CDH20: variants seen among roughly 807,000 people sequenced by gnomAD.
The protein encoded by CDH20 is cadherin-20.
Under a neutral mutation model 74.2 loss-of-function variants are expected in CDH20, and 29 were observed. The observed-to-expected ratio is 0.39, with a 90% CI of 0.29 to 0.53. The LOEUF is 0.53. Ranked by LOEUF, CDH20 falls within the 20% of genes least tolerant of loss-of-function variation. The probability of loss-of-function intolerance (pLI) is 0.69; values close to 1 mark genes in which losing one functional copy is unlikely to be tolerated. For synonymous variants in CDH20, 469 were observed against 405.4 expected, an observed-to-expected ratio of 1.16 and a Z score of -1.88; for missense variants, 988 against 1,048.3, an observed-to-expected ratio of 0.94 and a Z score of 0.79.
Position 61,490,644 on chromosome 18 carries a change from A to G in CDH20, c.91A>G (p.Thr31Ala). The stretch of plus-strand genomic sequence containing the variant: ...CTGGGGGCTGATGGACCTTACGACC[A>G]CCGTTCTCTCGGACACCCCAACACC... ...YFWGLMDLTT[T>A]VLSDTPTPQG... Residue 31 changes from threonine (T) to alanine (A), a missense_variant, in exon 2 of 12, where the codon ACC becomes GCC. By Grantham distance (58) the Thr-to-Ala change is moderately conservative. Around this residue, in one of 2 missense-constraint regions of CDH20, gnomAD observed 613 missense variants for 755.2 expected, o/e 0.81. Coordinates refer to ENST00000262717, the MANE Select transcript of CDH20 (RefSeq NM_031891.4). The G allele has an allele frequency of 3.1e-6, 5 of 1,614,092 alleles. No individual in the cohort carries two copies. Among genetic ancestry groups the G allele is most frequent in the Non-Finnish European group, 4.2e-6 (5 of 1,180,036 alleles).
intron 9 of CDH20, among the ~76,000 whole-genome samples, chr18:61,541,468 C>T (rs1369217390): frequency 2.0e-5 from 3 of 152,110 alleles, no homozygotes; most frequent in African/African-American, 7.2e-5. Flanking sequence ...AAGTGAAGAA[C>T]ATTTCAACTA....
intron 7 of CDH20, among the ~76,000 whole-genome samples, chr18:61,534,033 T>C (rs557623982): frequency 8.6e-6 from 1 of 116,886 alleles, no homozygotes; most frequent in Non-Finnish European, 2.1e-5. Context: ...TGTAATATTA[T>C]TTCAAAATTA....
At chr18:61,359,624 C>G (rs1170611550) in intron 1 of CDH20, among the ~76,000 whole-genome samples, 1 of 152,028 alleles carries the variant, frequency 6.6e-6, no homozygotes, top group Admixed American at 6.5e-5. Flanking sequence ...GCTTGAGGCA[C>G]GGTTTATTTA....
At chr18:61,345,827 G>C (rs1357009104) in intron 1 of CDH20, among the ~76,000 whole-genome samples, 1 of 152,186 alleles carries the variant, frequency 6.6e-6, no homozygotes, top group Non-Finnish European at 1.5e-5. Context: ...GAGCCACCCA[G>C]AATGTAAGAT....
At chr18:61,442,167 T>C (rs1909052943) in intron 1 of CDH20, among the ~76,000 whole-genome samples, 2 of 151,842 alleles carry the variant, frequency 1.3e-5, no homozygotes, top group African/African-American at 4.8e-5. Flanking sequence ...CTGGGCAACA[T>C]GGCAAGACTC....
chr18:61,390,466 A>G (rs1050799597), intron 1 of CDH20, among the ~76,000 whole-genome samples: 11 of 152,206 alleles, frequency 7.2e-5, no homozygotes, highest in African/African-American at 2.7e-4. Context: ...ATATTTTTGT[A>G]TAAGTTGGGA....
intron 6 of CDH20, among the ~76,000 whole-genome samples, chr18:61,514,328 C>A (rs1245416755): frequency 1.3e-5 from 2 of 152,182 alleles, no homozygotes. Flanking sequence ...ACGTAGTTCA[C>A]GAGCCTTGGT....
At chr18:61,382,272 G>A (rs1399345490) in intron 1 of CDH20, among the ~76,000 whole-genome samples, 1 of 152,148 alleles carries the variant, frequency 6.6e-6, no homozygotes, top group Non-Finnish European at 1.5e-5. Flanking sequence ...TCTTCTAAAT[G>A]CATCATAGTG....
chr18:61,449,038 TG>T (rs901201763), intron 1 of CDH20, among the ~76,000 whole-genome samples: 6 of 152,188 alleles, frequency 3.9e-5, no homozygotes, highest in African/African-American at 1.4e-4. Flanking sequence ...TCAACATCAT[TG>T]CCCCATTTAT....
intron 1 of CDH20, among the ~76,000 whole-genome samples, chr18:61,365,885 C>T (rs1910838468): frequency 6.6e-6 from 1 of 152,034 alleles, no homozygotes. Context: ...TAAAAATTGA[C>T]CTTTGAGGGT....
chr18:61,535,559 A>G (rs1353714571), intron 7 of CDH20, among the ~76,000 whole-genome samples: 2 of 152,180 alleles, frequency 1.3e-5, no homozygotes, highest in South Asian at 2.1e-4. Context: ...CAGGTTCAAC[A>G]GGAAATATAG....
chr18:61,431,568 T>C (rs1913256767), intron 1 of CDH20, among the ~76,000 whole-genome samples: 1 of 152,186 alleles, frequency 6.6e-6, no homozygotes, highest in Non-Finnish European at 1.5e-5. Context: ...GTAACATCCT[T>C]GCAACTTTTC....
chr18:61,447,315 C>A (rs537599620), intron 1 of CDH20, among the ~76,000 whole-genome samples: 3 of 152,310 alleles, frequency 2.0e-5, no homozygotes, highest in African/African-American at 7.2e-5. Flanking sequence ...AAACTGAATT[C>A]ACAATACTGG....
intron 1 of CDH20, among the ~76,000 whole-genome samples, chr18:61,474,117 C>T (rs1267375473): frequency 6.6e-6 from 1 of 152,188 alleles, no homozygotes; most frequent in African/African-American, 2.4e-5. Context: ...GTCAGTGTTA[C>T]ACTTCCTCCC....
chr18:61,494,009 A>T (rs1272508405), intron 2 of CDH20, among the ~76,000 whole-genome samples: 1 of 152,218 alleles, frequency 6.6e-6, no homozygotes, highest in East Asian at 1.9e-4. Flanking sequence ...GGACTACCAC[A>T]GTACTATGTG....
rs116696883 is a variant in CDH20, at chr18:61,499,290, C to T, written c.351C>T (p.His117=). 1,855 of 1,613,954 alleles carry T rather than the reference C, an allele frequency of 1.1e-3. 20 individuals carry two copies. In the African/African-American group the frequency reaches 0.021, roughly 18 times the overall value. ...TCGACGACACCACTGGAGACATCCA[C>T]GCCATTCAGAGGCTCGACCGAGAGG... ...FTIDDTTGDI[H]AIQRLDREER... is the part of the protein sequence containing the mutation. Residue 117 remains histidine, a synonymous_variant, in exon 3 of 12, where the codon CAC becomes CAT. Coordinates refer to ENST00000262717, the MANE Select transcript of CDH20 (RefSeq NM_031891.4).
At chr18:61,500,303 C>T (rs1017640577) in intron 3 of CDH20, 80 bp from the exon 4 acceptor site, 1 of 1,470,222 alleles carries the variant, frequency 6.8e-7, no homozygotes, top group Non-Finnish European at 9.2e-7. Flanking sequence ...TTTGCAAATG[C>T]TTTAAGATGG....
intron 6 of CDH20, among the ~76,000 whole-genome samples, chr18:61,511,439 C>T (rs1427316095): frequency 6.6e-6 from 1 of 152,112 alleles, no homozygotes; most frequent in African/African-American, 2.4e-5. Flanking sequence ...CTGCCTCAGC[C>T]TCCCAAAGGG....
At chr18:61,526,310 G>A (rs1912411860) in intron 6 of CDH20, among the ~76,000 whole-genome samples, 1 of 151,182 alleles carries the variant, frequency 6.6e-6, no homozygotes, top group Non-Finnish European at 1.5e-5. Context: ...TGTATTTTTA[G>A]TAGAGACGAT....
Sources: gnomAD v4.1 joint callset for allele counts (sites outside exome capture counted in the v4.1 genomes callset) on GRCh38, gnomAD v4.1.1 for gene constraint, gnomAD v4.1.1 regional missense constraint, MANE v1.5 for transcripts, NCBI Gene and HGNC (gene_info 2026-07-23, HGNC 2026-07-21) for gene names.